HPSE2: variants seen among roughly 807,000 people sequenced by gnomAD.
The protein encoded by HPSE2 is heparanase 2 (inactive), also known as inactive heparanase-2.
HPSE2 carries 38 observed loss-of-function variants against 60.5 expected under a neutral mutation model. That is an observed-to-expected ratio of 0.63 (90% CI 0.48 to 0.82). The LOEUF (loss-of-function observed/expected upper bound fraction) is 0.82. Ranked by LOEUF, HPSE2 falls within the 40% of genes least tolerant of loss-of-function variation. The pLI, the probability that HPSE2 is intolerant of heterozygous loss-of-function variation, is 0.00. For synonymous variants in HPSE2, 295 were observed against 293.2 expected (o/e 1.01, Z -0.06); for missense variants, 713 against 740.4 (o/e 0.96, Z 0.43).
At chr10:99,259,463 A>T in the HPSE2 span, among the ~76,000 whole-genome samples, 1 of 152,222 alleles carries the variant, frequency 6.6e-6, no homozygotes, top group Admixed American at 6.5e-5. Flanking sequence ...CTAATAATAA[A>T]GTGGGCAAAA....
intron 2 of HPSE2, among the ~76,000 whole-genome samples, chr10:99,181,258 C>T (rs867130795): frequency 1.1e-4 from 16 of 149,730 alleles, no homozygotes; most frequent in Admixed American, 6.0e-4. Flanking sequence ...ATTAGCCGGG[C>T]GTAGTGGCGG....
chr10:98,987,320 TG>T (rs1956389204), intron 3 of HPSE2, among the ~76,000 whole-genome samples: 1 of 152,160 alleles, frequency 6.6e-6, no homozygotes, highest in Non-Finnish European at 1.5e-5. Context: ...GCTTCATCCC[TG>T]GGATGCAAGG....
intron 9 of HPSE2, among the ~76,000 whole-genome samples, chr10:98,570,274 T>C (rs1219784908): frequency 2.0e-5 from 3 of 152,154 alleles, no homozygotes; most frequent in Non-Finnish European, 1.5e-5. Context: ...TGTCTGTTGT[T>C]TGCCCTTCCT....
At chr10:99,295,287 G>GTAGA in the HPSE2 span, among the ~76,000 whole-genome samples, 1 of 152,080 alleles carries the variant, frequency 6.6e-6, no homozygotes, top group African/African-American at 2.4e-5. Flanking sequence ...ATAAAAGGTG[G>GTAGA]TAGAACCAGG....
intron 2 of HPSE2, among the ~76,000 whole-genome samples, chr10:99,161,279 A>G (rs1846833381): frequency 6.6e-6 from 1 of 152,186 alleles, no homozygotes; most frequent in African/African-American, 2.4e-5. Flanking sequence ...ATAACAGCCA[A>G]AACTGGCAAC....
chr10:99,152,297 C>T (rs902616802), intron 2 of HPSE2, among the ~76,000 whole-genome samples: 10 of 136,114 alleles, frequency 7.3e-5, no homozygotes, highest in Non-Finnish European at 6.1e-5. Context: ...GACAACAGAG[C>T]GAGACTCCAC....
At chr10:99,064,481 G>A (rs1042195208) in intron 3 of HPSE2, among the ~76,000 whole-genome samples, 4 of 152,018 alleles carry the variant, frequency 2.6e-5, no homozygotes, top group Admixed American at 6.6e-5. Context: ...AAGACTTGGC[G>A]CAGTTGCTTT....
At chr10:98,977,702 A>C (rs2135287853) in intron 3 of HPSE2, among the ~76,000 whole-genome samples, 1 of 152,240 alleles carries the variant, frequency 6.6e-6, no homozygotes, top group South Asian at 2.1e-4. Flanking sequence ...ATATTCTTTC[A>C]TGAGACTACA....
intron 2 of HPSE2, among the ~76,000 whole-genome samples, chr10:99,146,201 C>A (rs1846046350): frequency 6.6e-6 from 1 of 152,122 alleles, no homozygotes. Context: ...TTTTGGATTA[C>A]ATCATCTCAT....
Position 98,562,572 on chromosome 10 carries a change from G to A in HPSE2, c.1320+52332C>T, listed in dbSNP as rs577807277. Among the ~76,000 whole-genome samples the A allele has an allele frequency of 1.7e-3, 251 of 152,100 alleles. 1 individual carries two copies. Among genetic ancestry groups the A allele is most frequent in the African/African-American group, 5.1e-3 (210 of 41,474 alleles). On this transcript the variant is annotated intron_variant, in intron 9 of 11. Coordinates refer to ENST00000370552, the MANE Select transcript of HPSE2 (RefSeq NM_021828.5). ...TGTACTAAAAATACAAAAATTAGCCGGGCGTGGTGGTGGGCGCCTGTAGTC... is the reference window on the plus strand; with the variant it reads ...TGTACTAAAAATACAAAAATTAGCCAGGCGTGGTGGTGGGCGCCTGTAGTC...
intron 3 of HPSE2, among the ~76,000 whole-genome samples, chr10:98,929,317 C>G (rs1954579392): frequency 7.0e-6 from 1 of 143,846 alleles, no homozygotes; most frequent in Non-Finnish European, 1.5e-5. Context: ...TATAGCCAAG[C>G]AAGGCTTTCC....
chr10:99,081,622 AG>A (rs1564791637), intron 3 of HPSE2, among the ~76,000 whole-genome samples: 38 of 149,880 alleles, frequency 2.5e-4, no homozygotes, highest in African/African-American at 9.1e-4. Flanking sequence ...GATGATGATG[AG>A]ATAATATAAT....
At chr10:99,089,943 AG>A (rs1843454815) in intron 3 of HPSE2, among the ~76,000 whole-genome samples, 1 of 152,074 alleles carries the variant, frequency 6.6e-6, no homozygotes, top group Admixed American at 6.6e-5. Context: ...CTATTGTAAA[AG>A]GGGTTAAGCT....
chr10:98,796,224 G>A (rs998284277), intron 3 of HPSE2, among the ~76,000 whole-genome samples: 1 of 152,178 alleles, frequency 6.6e-6, no homozygotes, highest in Non-Finnish European at 1.5e-5. Flanking sequence ...AGTTTCTGGG[G>A]GTCCCTGAGT....
intron 4 of HPSE2, among the ~76,000 whole-genome samples, chr10:98,741,746 A>G (rs1949502518): frequency 6.6e-6 from 1 of 152,208 alleles, no homozygotes; most frequent in African/African-American, 2.4e-5. Flanking sequence ...AAGAAAACCA[A>G]ACAAAGCCTT....
At chr10:99,296,261 G>A in the HPSE2 span, among the ~76,000 whole-genome samples, 5 of 152,154 alleles carry the variant, frequency 3.3e-5, no homozygotes, top group Admixed American at 6.5e-5. Context: ...TGAGATAGGA[G>A]GTGAGACTGG....
At chr10:98,960,316 C>T (rs1955618999) in intron 3 of HPSE2, among the ~76,000 whole-genome samples, 1 of 152,062 alleles carries the variant, frequency 6.6e-6, no homozygotes, top group Non-Finnish European at 1.5e-5. Context: ...GGCAATACTA[C>T]CTAGATAGAA....
At chr10:98,614,510 G>T (rs1589511202) in intron 9 of HPSE2, among the ~76,000 whole-genome samples, 1 of 151,930 alleles carries the variant, frequency 6.6e-6, no homozygotes, top group African/African-American at 2.4e-5. Flanking sequence ...GCCAGGATGG[G>T]CTCGATCTCC....
At chr10:98,519,454 GC>G (rs1942713764) in intron 9 of HPSE2, among the ~76,000 whole-genome samples, 2 of 152,206 alleles carry the variant, frequency 1.3e-5, no homozygotes, top group Non-Finnish European at 1.5e-5. Flanking sequence ...AAATGCTCTT[GC>G]CCTCTTTTAC....
Sources: gnomAD v4.1 joint callset for allele counts (sites outside exome capture counted in the v4.1 genomes callset) on GRCh38, gnomAD v4.1.1 for gene constraint, MANE v1.5 for transcripts, NCBI Gene and HGNC (gene_info 2026-07-23, HGNC 2026-07-21) for gene names.